The following EYS variants were observed in gnomAD, a reference collection of about 807,000 sequenced individuals.
EYS encodes the protein EGF-like photoreceptor maintenance factor.
In EYS, 250 loss-of-function variants were observed where a neutral mutation model predicts 282.1. The ratio of observed to expected loss-of-function variants is 0.89; its 90% CI spans 0.80 to 0.98. The LOEUF (loss-of-function observed/expected upper bound fraction) is 0.98. EYS is among the 50% of genes least tolerant of loss of function. The pLI, the probability that EYS is intolerant of heterozygous loss-of-function variation, is 0.00. For missense variants in EYS, 4,016 were observed against 3,709.0 expected (o/e 1.08, Z -2.15); for synonymous variants, 1,355 against 1,282.9 (o/e 1.06, Z -1.20).
chr6:64,393,453 C>G (rs1773236228), intron 28 of EYS, among the ~76,000 whole-genome samples: 1 of 152,066 alleles, frequency 6.6e-6, no homozygotes, highest in African/African-American at 2.4e-5. Flanking sequence ...GGGCTTGATC[C>G]CTGGGATGCA....
chr6:65,467,180 A>G (rs1014254020), intron 5 of EYS, among the ~76,000 whole-genome samples: 6 of 152,160 alleles, frequency 3.9e-5, no homozygotes, highest in Non-Finnish European at 8.8e-5. Flanking sequence ...GCTAACAGAT[A>G]TCAGTCTGTA....
intron 29 of EYS, among the ~76,000 whole-genome samples, chr6:64,334,260 T>G (rs1259480194): frequency 3.9e-5 from 6 of 152,146 alleles, no homozygotes; most frequent in Non-Finnish European, 7.3e-5. Context: ...GAACAAAGGC[T>G]TATCAATTAC....
intron 22 of EYS, among the ~76,000 whole-genome samples, chr6:64,755,127 A>G (rs1328987838): frequency 2.0e-5 from 3 of 152,190 alleles, no homozygotes; most frequent in Non-Finnish European, 4.4e-5. Flanking sequence ...AAAAGTCAGT[A>G]GCATTTCTAT....
chr6:64,528,478 G>A (rs537371326), intron 26 of EYS, among the ~76,000 whole-genome samples: 10 of 151,922 alleles, frequency 6.6e-5, no homozygotes, highest in Non-Finnish European at 1.3e-4. Context: ...GATGTTCCAC[G>A]TGGATTCAAA....
At chr6:64,960,483 A>G (rs944428505) in intron 14 of EYS, among the ~76,000 whole-genome samples, 1 of 152,094 alleles carries the variant, frequency 6.6e-6, no homozygotes, top group East Asian at 1.9e-4. Flanking sequence ...GTTTTTTCCA[A>G]TATATATTCC....
At chr6:63,861,388 T>G (rs114528125) in intron 36 of EYS, among the ~76,000 whole-genome samples, 1,645 of 152,296 alleles carry the variant, frequency 0.011, 24 homozygotes, top group African/African-American at 0.038. Context: ...ATAATTATCT[T>G]TTGTCAGGAC....
chr6:65,425,493 T>G (rs972072715), intron 5 of EYS, among the ~76,000 whole-genome samples: 7 of 152,084 alleles, frequency 4.6e-5, no homozygotes, highest in Non-Finnish European at 1.0e-4. Context: ...GTAATTTAAT[T>G]GTTTTTGCTT....
In EYS at chr6:64,081,872, A is replaced by C. The variant is rs1461090274; in HGVS notation, c.6555T>G (p.Asn2185Lys). 3.9e-6 allele frequency: 6 copies of C among 1,535,882 alleles called. No individual in the cohort carries two copies. The highest frequency in any genetic ancestry group is 5.3e-6 in the Non-Finnish European group (6 of 1,135,040). ...IYLTIKTNSL[N>K]GTILYSNGNN... ...AATACTCACTGTAAAGAATAGTTCC[A>C]TTTAAACTGTTTGTTTTTATAGTCA... The change falls in exon 32 of 43, where the codon AAT becomes AAG. Residue 2185 changes from asparagine to lysine, a missense_variant. Physicochemically the swap from Asn to Lys is moderately conservative, Grantham distance 94. Coordinates refer to ENST00000503581, the MANE Select transcript of EYS (RefSeq NM_001142800.2).
At chr6:65,456,169 C>G (rs1226708642) in intron 5 of EYS, among the ~76,000 whole-genome samples, 1 of 151,856 alleles carries the variant, frequency 6.6e-6, no homozygotes, top group African/African-American at 2.4e-5. Flanking sequence ...CTAAAAAGAA[C>G]AGGCCGGGCG....
intron 19 of EYS, among the ~76,000 whole-genome samples, chr6:64,861,362 G>A (rs1020634490): frequency 1.3e-5 from 2 of 152,198 alleles, no homozygotes; most frequent in South Asian, 4.1e-4. Context: ...GGGGCACAAG[G>A]AACAGGAAGA....
At chr6:63,896,877 G>T (rs767217436) in intron 35 of EYS, among the ~76,000 whole-genome samples, 2 of 151,736 alleles carry the variant, frequency 1.3e-5, no homozygotes, top group African/African-American at 4.8e-5. Context: ...TTTTTTTCAC[G>T]TCTCAATAGG....
At chr6:65,561,778 A>G (rs1309195035) in intron 2 of EYS, among the ~76,000 whole-genome samples, 1 of 151,910 alleles carries the variant, frequency 6.6e-6, no homozygotes, top group Non-Finnish European at 1.5e-5. Flanking sequence ...CCACTACTCT[A>G]CTTCTATTAC....
chr6:64,784,976 C>T (rs2149996335), intron 22 of EYS, among the ~76,000 whole-genome samples: 1 of 152,206 alleles, frequency 6.6e-6, no homozygotes, highest in East Asian at 1.9e-4. Context: ...AAATCCTGTC[C>T]TAAGCTGGAC....
intron 22 of EYS, among the ~76,000 whole-genome samples, chr6:64,768,105 T>C (rs898500426): frequency 6.6e-6 from 1 of 152,100 alleles, no homozygotes; most frequent in Non-Finnish European, 1.5e-5. Flanking sequence ...TGAAATAAAA[T>C]TTAAATTAAC....
intron 8 of EYS, among the ~76,000 whole-genome samples, chr6:65,357,272 G>T (rs1764521775): frequency 6.6e-6 from 1 of 151,974 alleles, no homozygotes; most frequent in South Asian, 2.1e-4. Flanking sequence ...TTCTTAAGAA[G>T]ATTAGTGGTA....
intron 2 of EYS, among the ~76,000 whole-genome samples, chr6:65,610,770 G>C (rs1765971498): frequency 6.6e-6 from 1 of 151,976 alleles, no homozygotes; most frequent in Admixed American, 6.6e-5. Context: ...TTCTAATTCT[G>C]CTATTTACTC....
chr6:64,241,958 A>G (rs1054572906), intron 30 of EYS, among the ~76,000 whole-genome samples: 2 of 151,982 alleles, frequency 1.3e-5, no homozygotes, highest in African/African-American at 2.4e-5. Context: ...GTCGGTTTCT[A>G]TGTAGTTGTG....
rs767880798 is a variant in EYS at position 63,762,647 on chromosome 6, GAA to G, written c.7899-16_7899-15del. 3 of 1,548,656 alleles carry G rather than the reference GAA, an allele frequency of 1.9e-6. No homozygotes were observed. In the African/African-American group the frequency reaches 4.1e-5, roughly 21 times the overall value. ...GTACAATTGCAGCTGTGGGTTGAGA[GAA>G]AGCCGCATGGTTTGAGCACTTGTTT... On this transcript the variant is annotated splice_polypyrimidine_tract_variant and intron_variant, in intron 40 of 42. Coordinates refer to ENST00000503581, the MANE Select transcript of EYS (RefSeq NM_001142800.2).
intron 1 of EYS, among the ~76,000 whole-genome samples, chr6:65,665,753 C>T (rs1041631957): frequency 6.6e-6 from 1 of 151,982 alleles, no homozygotes; most frequent in East Asian, 1.9e-4. Context: ...GGGATCTGTA[C>T]CTTTTAACTG....
Sources: allele counts gnomAD v4.1 joint callset (sites outside exome capture counted in the v4.1 genomes callset), GRCh38; gene constraint gnomAD v4.1.1; transcripts MANE v1.5; gene names NCBI Gene and HGNC (gene_info 2026-07-23, HGNC 2026-07-21).